Variants in CHCHD6 observed in about 807,000 individuals in gnomAD.
The protein encoded by CHCHD6 is MICOS complex subunit MIC25.
Under a neutral mutation model 32.3 loss-of-function variants are expected in CHCHD6, and 28 were observed. The observed-to-expected ratio is 0.87, with a 90% CI of 0.64 to 1.19. The LOEUF (loss-of-function observed/expected upper bound fraction) is 1.19. CHCHD6 is among the 50% of genes most tolerant of loss of function. The pLI, the probability that CHCHD6 is intolerant of heterozygous loss-of-function variation, is 0.00. For synonymous variants in CHCHD6, 122 were observed against 117.5 expected (o/e 1.04, Z -0.25); for missense variants, 333 against 307.0 (o/e 1.08, Z -0.63).
intron 4 of CHCHD6, among the ~76,000 whole-genome samples, chr3:126,739,089 ATGTGGAGATCTGAAAATCC>A (rs1367752445): frequency 2.0e-5 from 3 of 152,200 alleles, no homozygotes; most frequent in Admixed American, 1.3e-4. Context: ...TGTGAGTGTT[ATGTGGAGATCTGAAAATCC>A]TGTGGAGATC....
Position 126,914,403 on chromosome 3 carries a change from A to G in CHCHD6, c.496-277A>G, listed in dbSNP as rs144958484. 2.6e-3 allele frequency among the ~76,000 whole-genome samples: 395 copies of G among 152,336 alleles called. 1 individual carries two copies. The highest frequency in any genetic ancestry group is 9.0e-3 in the African/African-American group (374 of 41,570). The stretch of plus-strand genomic sequence containing the variant: ...GTGTGCCAGTAAAACCCTTATTCAC[A>G]AAAACAGGTGGCAGGCTGGATTTTG... On this transcript the variant is annotated intron_variant, in intron 5 of 7. Coordinates refer to ENST00000290913, the MANE Select transcript of CHCHD6 (RefSeq NM_032343.3).
At chr3:126,915,796 G>A (rs2078159906) in intron 6 of CHCHD6, among the ~76,000 whole-genome samples, 1 of 152,146 alleles carries the variant, frequency 6.6e-6, no homozygotes, top group South Asian at 2.1e-4. Context: ...GGCTGGTTTT[G>A]GGGTCTCTTT....
At chr3:126,766,774 T>G in intron 4 of CHCHD6, 5 of 1,132,308 alleles carry the variant, frequency 4.4e-6, no homozygotes, top group Non-Finnish European at 6.7e-6. Context: ...GGTGGCCCCC[T>G]GGAAAAACAG....
At chr3:126,712,015 C>G (rs961588804) in intron 1 of CHCHD6, among the ~76,000 whole-genome samples, 2 of 152,248 alleles carry the variant, frequency 1.3e-5, no homozygotes, top group Non-Finnish European at 2.9e-5. Context: ...AAAGCAAATT[C>G]TGCAGGGAAG....
intron 4 of CHCHD6, among the ~76,000 whole-genome samples, chr3:126,803,350 A>G (rs1445488498): frequency 6.6e-6 from 1 of 152,198 alleles, no homozygotes; most frequent in Non-Finnish European, 1.5e-5. Context: ...CATAGGCTCA[A>G]AATAAAGGGA....
chr3:126,750,373 A>T (rs778756923), intron 4 of CHCHD6, among the ~76,000 whole-genome samples: 1 of 152,208 alleles, frequency 6.6e-6, no homozygotes, highest in Non-Finnish European at 1.5e-5. Flanking sequence ...ATCTGTTAAG[A>T]TGCCACCCAT....
At position 126,727,124 on chromosome 3, in the gene CHCHD6, C is replaced by T; in HGVS notation, c.134C>T (p.Pro45Leu). Residue 45 changes from proline (P) to leucine (L), a missense_variant, in exon 2 of 8, where the codon CCC becomes CTC. Physicochemically the swap from Pro to Leu is moderately conservative, Grantham distance 98. Transcript: ENST00000290913. The stretch of plus-strand genomic sequence containing the variant: ...CGCATGAAGGAGCCCAGCTCTCCAC[C>T]CCCTGCTCCCACATCTTCTACCTTT... Reference protein sequence around the residue: ...VNRMKEPSSPPPAPTSSTFGL... With the variant: ...VNRMKEPSSPLPAPTSSTFGL... 1 of 1,614,114 alleles carries T rather than the reference C, an allele frequency of 6.2e-7. No individual in the cohort carries two copies. Among genetic ancestry groups the T allele is most frequent in the South Asian group, 1.1e-5 (1 of 91,070 alleles).
At chr3:126,746,579 G>A (rs945553505) in intron 4 of CHCHD6, among the ~76,000 whole-genome samples, 4 of 152,158 alleles carry the variant, frequency 2.6e-5, no homozygotes, top group African/African-American at 9.7e-5. Flanking sequence ...TGTTGAACAC[G>A]GGGCCCATTC....
At chr3:126,719,399 C>G (rs927961755) in intron 1 of CHCHD6, among the ~76,000 whole-genome samples, 9 of 152,244 alleles carry the variant, frequency 5.9e-5, no homozygotes, top group Admixed American at 4.6e-4. Context: ...CCCTGCCCTG[C>G]ATGCTGCCAT....
intron 4 of CHCHD6, among the ~76,000 whole-genome samples, chr3:126,768,073 G>A (rs1389089722): frequency 1.3e-5 from 2 of 152,064 alleles, no homozygotes; most frequent in East Asian, 3.9e-4. Context: ...ATATGGTTTG[G>A]GTCTGTGTCC....
chr3:126,914,542 A>C, intron 5 of CHCHD6, 138 bp from the exon 6 acceptor site: 1 of 656,158 alleles, frequency 1.5e-6, no homozygotes, highest in Non-Finnish European at 2.8e-6. Flanking sequence ...CTGGAACCCA[A>C]GGTGTGGATT....
At chr3:126,856,641 G>A (rs1941675500) in intron 5 of CHCHD6, among the ~76,000 whole-genome samples, 1 of 152,170 alleles carries the variant, frequency 6.6e-6, no homozygotes, top group East Asian at 1.9e-4. Context: ...GGTATTATGG[G>A]GCTAAGGGGA....
At chr3:126,887,700 TC>T (rs2077697545) in intron 5 of CHCHD6, among the ~76,000 whole-genome samples, 1 of 152,018 alleles carries the variant, frequency 6.6e-6, no homozygotes, top group Non-Finnish European at 1.5e-5. Context: ...ATAAGTGATG[TC>T]CCCGCTTCCC....
At chr3:126,767,297 TCCCCAAACGC>T (rs1269309176) in intron 4 of CHCHD6, 22 of 1,136,490 alleles carry the variant, frequency 1.9e-5, no homozygotes, top group Non-Finnish European at 2.4e-5. Context: ...CATCTTGTTC[TCCCCAAACGC>T]AAACACGGAG....
At chr3:126,761,216 C>A (rs1361823428) in intron 4 of CHCHD6, among the ~76,000 whole-genome samples, 2 of 152,202 alleles carry the variant, frequency 1.3e-5, no homozygotes, top group African/African-American at 4.8e-5. Context: ...AACTGCCTTA[C>A]TGTTTTCTAT....
chr3:126,764,371 C>T (rs1200303322), intron 4 of CHCHD6, among the ~76,000 whole-genome samples: 1 of 152,088 alleles, frequency 6.6e-6, no homozygotes, highest in African/African-American at 2.4e-5. Context: ...GGGGTCAGCA[C>T]CAAGCACGTT....
intron 4 of CHCHD6, among the ~76,000 whole-genome samples, chr3:126,816,862 CT>C (rs1939932160): frequency 6.6e-6 from 1 of 152,146 alleles, no homozygotes; most frequent in African/African-American, 2.4e-5. Flanking sequence ...TCCCTCCCCC[CT>C]CTTCCCACCC....
chr3:126,802,556 G>C (rs556919947), intron 4 of CHCHD6, among the ~76,000 whole-genome samples: 23 of 152,214 alleles, frequency 1.5e-4, no homozygotes, highest in African/African-American at 4.6e-4. Context: ...AAGAAATATG[G>C]GACTATGTGA....
chr3:126,824,065 G>A (rs1462853423), intron 4 of CHCHD6, among the ~76,000 whole-genome samples: 1 of 152,040 alleles, frequency 6.6e-6, no homozygotes, highest in African/African-American at 2.4e-5. Flanking sequence ...GTGACAGAGT[G>A]AGATTTTGTT....
Sources: allele counts gnomAD v4.1 joint callset (sites outside exome capture counted in the v4.1 genomes callset), GRCh38; gene constraint gnomAD v4.1.1; transcripts MANE v1.5; gene names NCBI Gene and HGNC (gene_info 2026-07-23, HGNC 2026-07-21).